Variants in NALF1 observed in about 807,000 individuals in gnomAD.
NALF1 encodes family with sequence similarity 155 member A.
Under a neutral mutation model 48.4 loss-of-function variants are expected in NALF1, and 3 were observed. The ratio of observed to expected loss-of-function variants is 0.06; its 90% CI spans 0.03 to 0.16. The LOEUF (loss-of-function observed/expected upper bound fraction) is 0.16, where lower values mean the gene tolerates loss of function less well. NALF1 is among the 10% of genes least tolerant of loss of function. The pLI, the probability that NALF1 is intolerant of heterozygous loss-of-function variation, is 1.00. For missense variants in NALF1, 526 were observed against 571.5 expected, an observed-to-expected ratio of 0.92 and a Z score of 0.81; for synonymous variants, 262 against 245.7, an observed-to-expected ratio of 1.07 and a Z score of -0.62.
intron 1 of NALF1, among the ~76,000 whole-genome samples, chr13:107,507,789 T>G (rs544397370): frequency 6.6e-6 from 1 of 152,068 alleles, no homozygotes; most frequent in East Asian, 1.9e-4. Flanking sequence ...GACCTGATGC[T>G]CAAATTGATA....
At chr13:107,457,749 A>C (rs1884847482) in intron 1 of NALF1, among the ~76,000 whole-genome samples, 1 of 152,230 alleles carries the variant, frequency 6.6e-6, no homozygotes, top group Non-Finnish European at 1.5e-5. Flanking sequence ...TGTTTTGGTT[A>C]CTGAAGCCCA....
intron 1 of NALF1, among the ~76,000 whole-genome samples, chr13:107,493,318 T>C (rs2139071356): frequency 1.3e-5 from 2 of 152,282 alleles, no homozygotes; most frequent in South Asian, 4.1e-4. Context: ...TAAATTTACT[T>C]AGTGCCTTTT....
At chr13:107,492,467 G>A (rs987344628) in intron 1 of NALF1, among the ~76,000 whole-genome samples, 5 of 151,950 alleles carry the variant, frequency 3.3e-5, no homozygotes, top group South Asian at 2.1e-4. Context: ...ATTCTTTCCC[G>A]CACCACAGCT....
At position 107,164,362 on chromosome 13, in the gene NALF1, A is replaced by G. The variant is rs1051220083; in HGVS notation, c.*6135T>C. 7.9e-5 allele frequency: 12 copies of G among 152,138 alleles called. No individual in the cohort carries two copies. The highest frequency in any genetic ancestry group is 2.9e-4 in the African/African-American group (12 of 41,444). 9.4% of individuals were successfully genotyped at this position (152,138 alleles called of 1,614,324 possible). A position where few individuals can be genotyped will look rare whatever the true frequency, so the allele number is the denominator to read the frequency against. On this transcript the variant is annotated 3_prime_UTR_variant, in exon 3 of 3. Transcript: ENST00000375915. ...CTTTTTCACTGTTATTTCATTCTAT[A>G]ATAATTATAGTGTTAATTAAAATAT...
At chr13:107,431,771 G>A (rs1043834481) in intron 1 of NALF1, among the ~76,000 whole-genome samples, 1 of 151,830 alleles carries the variant, frequency 6.6e-6, no homozygotes, top group African/African-American at 2.4e-5. Context: ...TCTTAACAGG[G>A]GTTCTGTGAG....
chr13:107,432,512 C>G (rs546313886), intron 1 of NALF1, among the ~76,000 whole-genome samples: 62 of 152,232 alleles, frequency 4.1e-4, no homozygotes, highest in African/African-American at 1.4e-3. Flanking sequence ...AGGGCAGGAC[C>G]TAAGCATTGG....
intron 1 of NALF1, among the ~76,000 whole-genome samples, chr13:107,269,531 T>C (rs920725351): frequency 1.3e-5 from 2 of 152,238 alleles, no homozygotes; most frequent in East Asian, 1.9e-4. Context: ...TTTGAACTTA[T>C]TTGTATTTCT....
chr13:107,336,632 TC>T (rs1290930015), intron 1 of NALF1, among the ~76,000 whole-genome samples: 1 of 152,078 alleles, frequency 6.6e-6, no homozygotes, highest in Non-Finnish European at 1.5e-5. Context: ...GTCCTCCACT[TC>T]CTCCGTGGTA....
intron 1 of NALF1, among the ~76,000 whole-genome samples, chr13:107,574,029 T>C (rs1878064292): frequency 6.6e-6 from 1 of 152,186 alleles, no homozygotes; most frequent in East Asian, 1.9e-4. Context: ...CACAGAATAG[T>C]AGAACATGAA....
chr13:107,530,122 C>T (rs1000940064), intron 1 of NALF1, among the ~76,000 whole-genome samples: 1 of 151,988 alleles, frequency 6.6e-6, no homozygotes. Context: ...GGCACCTTTA[C>T]CTTGTTCTCT....
intron 1 of NALF1, among the ~76,000 whole-genome samples, chr13:107,513,618 C>T (rs559891274): frequency 1.2e-4 from 19 of 152,210 alleles, no homozygotes; most frequent in African/African-American, 4.6e-4. Flanking sequence ...TGCCTCAAGC[C>T]TAGATCAATG....
chr13:107,438,037 C>G (rs1444402013), intron 1 of NALF1, among the ~76,000 whole-genome samples: 1 of 152,140 alleles, frequency 6.6e-6, no homozygotes, highest in African/African-American at 2.4e-5. Context: ...GGTATGTGGA[C>G]ATCCAATGTA....
chr13:107,240,115 A>C (rs77267574), intron 1 of NALF1, among the ~76,000 whole-genome samples: 8,345 of 152,286 alleles, frequency 0.055, 267 homozygotes, highest in Non-Finnish European at 0.062. Flanking sequence ...TATGCCTACA[A>C]AGTTGATATG....
chr13:107,621,508 C>T (rs9301247), intron 1 of NALF1, among the ~76,000 whole-genome samples: 35,048 of 152,078 alleles, frequency 0.23, 4,904 homozygotes, highest in East Asian at 0.48. Context: ...AACTAGAGAA[C>T]CATGTTTCAT....
intron 2 of NALF1, among the ~76,000 whole-genome samples, chr13:107,178,835 C>T (rs1424402340): frequency 1.3e-5 from 2 of 151,978 alleles, no homozygotes; most frequent in Non-Finnish European, 2.9e-5. Flanking sequence ...GTCGCAGCTA[C>T]TCGGGAGGCT....
intron 1 of NALF1, among the ~76,000 whole-genome samples, chr13:107,657,573 A>G (rs7333652): frequency 0.35 from 52,370 of 151,632 alleles, 10,374 homozygotes; most frequent in African/African-American, 0.54. Context: ...ACATGTATTG[A>G]GTATGACTTT....
At chr13:107,403,335 T>C (rs796806744) in intron 1 of NALF1, among the ~76,000 whole-genome samples, 20 of 151,656 alleles carry the variant, frequency 1.3e-4, no homozygotes, top group African/African-American at 4.8e-4. Context: ...TTGCCTGGTA[T>C]GCAGCTCTCC....
At chr13:107,822,274 T>A (rs745702332) in intron 1 of NALF1, among the ~76,000 whole-genome samples, 1 of 151,600 alleles carries the variant, frequency 6.6e-6, no homozygotes, top group African/African-American at 2.4e-5. Flanking sequence ...AGCTACACCA[T>A]CCCTCCAACC....
chr13:107,430,877 T>C (rs1884368333), intron 1 of NALF1, among the ~76,000 whole-genome samples: 1 of 152,180 alleles, frequency 6.6e-6, no homozygotes, highest in South Asian at 2.1e-4. Context: ...ATCGCCACAC[T>C]GACTTCCACA....
Sources: gnomAD v4.1 joint callset for allele counts (sites outside exome capture counted in the v4.1 genomes callset) on GRCh38, gnomAD v4.1.1 for gene constraint, MANE v1.5 for transcripts, NCBI Gene and HGNC (gene_info 2026-07-23, HGNC 2026-07-21) for gene names.